Variants in RBFOX1 observed in about 807,000 individuals in gnomAD.
RBFOX1 encodes RNA binding protein fox-1 homolog 1.
A neutral mutation model predicts 57.7 loss-of-function variants in RBFOX1; 8 were observed. The ratio of observed to expected loss-of-function variants is 0.14; its 90% confidence interval spans 0.08 to 0.25. RBFOX1 has a LOEUF of 0.25. RBFOX1 is among the 10% of genes least tolerant of loss of function. RBFOX1 has a pLI of 1.00. For synonymous variants in RBFOX1, 326 were observed against 222.4 expected, an observed-to-expected ratio of 1.47 and a Z score of -4.15; for missense variants, 611 against 548.5, an observed-to-expected ratio of 1.11 and a Z score of -1.14.
At chr16:5,621,854 T>A (rs1441027151) in intron 3 of RBFOX1, among the ~76,000 whole-genome samples, 2 of 152,164 alleles carry the variant, frequency 1.3e-5, no homozygotes, top group Non-Finnish European at 2.9e-5. Flanking sequence ...ACCCAAGCCT[T>A]CGTGTTTCAA....
chr16:7,399,021 G>C (rs977925844), intron 4 of RBFOX1, among the ~76,000 whole-genome samples: 1 of 152,156 alleles, frequency 6.6e-6, no homozygotes, highest in East Asian at 1.9e-4. Context: ...AACTACTTGG[G>C]GCAAGTGTTG....
At chr16:5,472,507 G>A (rs530924099) in intron 2 of RBFOX1, among the ~76,000 whole-genome samples, 13 of 152,310 alleles carry the variant, frequency 8.5e-5, no homozygotes, top group African/African-American at 2.2e-4. Context: ...ACTGACTGGG[G>A]AGTATTTGCT....
At chr16:5,507,627 G>C (rs2043423402) in intron 2 of RBFOX1, among the ~76,000 whole-genome samples, 1 of 152,204 alleles carries the variant, frequency 6.6e-6, no homozygotes, top group South Asian at 2.1e-4. Context: ...TGGAAATAGG[G>C]TCTTTGCAGT....
intron 2 of RBFOX1, among the ~76,000 whole-genome samples, chr16:6,616,570 G>A (rs1431742348): frequency 6.6e-6 from 1 of 152,162 alleles, no homozygotes; most frequent in African/African-American, 2.4e-5. Context: ...CAGGTACTCA[G>A]GAGGCTGAGG....
chr16:7,425,135 C>A (rs1329626717), intron 4 of RBFOX1, among the ~76,000 whole-genome samples: 3 of 151,982 alleles, frequency 2.0e-5, no homozygotes, highest in Admixed American at 6.5e-5. Context: ...GAAATAATTT[C>A]TTTTAGACAT....
At chr16:6,669,849 GC>G (rs1229074794) in intron 3 of RBFOX1, among the ~76,000 whole-genome samples, 1 of 152,184 alleles carries the variant, frequency 6.6e-6, no homozygotes. Flanking sequence ...AGCCAGGCAG[GC>G]AGATCTGATG....
intron 3 of RBFOX1, among the ~76,000 whole-genome samples, chr16:6,954,382 C>T (rs1030180379): frequency 4.6e-5 from 7 of 152,060 alleles, no homozygotes; most frequent in African/African-American, 1.7e-4. Context: ...GTAGTTCCGG[C>T]ATGCATAGAT....
At chr16:6,115,544 T>G (rs1208770168) in intron 1 of RBFOX1, among the ~76,000 whole-genome samples, 1 of 150,906 alleles carries the variant, frequency 6.6e-6, no homozygotes, top group African/African-American at 2.4e-5. Flanking sequence ...ATAACGTCTG[T>G]TTTTTTTCCC....
At chr16:7,013,889 C>T (rs1355090132) in intron 3 of RBFOX1, among the ~76,000 whole-genome samples, 2 of 152,154 alleles carry the variant, frequency 1.3e-5, no homozygotes, top group African/African-American at 4.8e-5. Flanking sequence ...AGCTCTTGAT[C>T]TCCAAAAATC....
At chr16:6,940,189 C>G (rs1282095011) in intron 3 of RBFOX1, among the ~76,000 whole-genome samples, 2 of 147,844 alleles carry the variant, frequency 1.4e-5, no homozygotes, top group Non-Finnish European at 3.0e-5. Context: ...GAGACTCCAT[C>G]TCAAAAATAA....
At chr16:6,291,898 T>C (rs1210474361) in intron 1 of RBFOX1, among the ~76,000 whole-genome samples, 2 of 152,168 alleles carry the variant, frequency 1.3e-5, no homozygotes, top group Non-Finnish European at 2.9e-5. Flanking sequence ...TTTTCCTTGA[T>C]TAACATGTCT....
chr16:6,102,391 T>A (rs2096323299), intron 1 of RBFOX1, among the ~76,000 whole-genome samples: 1 of 152,224 alleles, frequency 6.6e-6, no homozygotes, highest in South Asian at 2.1e-4. Flanking sequence ...TTTCATATGA[T>A]CAGATTTAAG....
intron 3 of RBFOX1, among the ~76,000 whole-genome samples, chr16:5,851,404 C>T (rs2056894156): frequency 6.6e-6 from 1 of 152,162 alleles, no homozygotes; most frequent in Non-Finnish European, 1.5e-5. Context: ...GACCGCCTCT[C>T]TCTGCATCCC....
At chr16:5,791,034 A>G (rs774711006) in intron 3 of RBFOX1, among the ~76,000 whole-genome samples, 2 of 151,938 alleles carry the variant, frequency 1.3e-5, no homozygotes, top group Non-Finnish European at 2.9e-5. Flanking sequence ...ACACCTGGCA[A>G]ATTTTTATAT....
intron 3 of RBFOX1, among the ~76,000 whole-genome samples, chr16:6,834,385 A>G (rs181319029): frequency 6.6e-6 from 1 of 152,170 alleles, no homozygotes; most frequent in Non-Finnish European, 1.5e-5. Flanking sequence ...CCCTGATCCA[A>G]AAAATATTTT....
chr16:7,241,665 G>C (rs377503830), intron 4 of RBFOX1, among the ~76,000 whole-genome samples: 1 of 151,994 alleles, frequency 6.6e-6, no homozygotes, highest in East Asian at 1.9e-4. Context: ...TTCAGTAAGA[G>C]TGCATTACAA....
intron 2 of RBFOX1, among the ~76,000 whole-genome samples, chr16:5,554,586 T>A (rs1411134558): frequency 1.3e-5 from 2 of 152,140 alleles, no homozygotes; most frequent in Non-Finnish European, 2.9e-5. Flanking sequence ...ATGCACAGTT[T>A]TGCATTCAAT....
At chr16:5,775,569 G>T (rs2054119581) in intron 3 of RBFOX1, among the ~76,000 whole-genome samples, 1 of 152,196 alleles carries the variant, frequency 6.6e-6, no homozygotes, top group African/African-American at 2.4e-5. Flanking sequence ...CAGGTGCACA[G>T]GTGTCTCAAT....
chr16:7,672,682 T>C (rs2146186834), intron 13 of RBFOX1, among the ~76,000 whole-genome samples: 1 of 151,706 alleles, frequency 6.6e-6, no homozygotes, highest in South Asian at 2.1e-4. Flanking sequence ...CAGCCAGGCC[T>C]ATGTATCAAA....
Sources: allele counts gnomAD v4.1 joint callset (sites outside exome capture counted in the v4.1 genomes callset), GRCh38; gene constraint gnomAD v4.1.1; transcripts MANE v1.5; gene names NCBI Gene and HGNC (gene_info 2026-07-23, HGNC 2026-07-21).